MAN2B2: variants seen among roughly 807,000 people sequenced by gnomAD.
The protein encoded by MAN2B2 is epididymis-specific alpha-mannosidase.
Under a neutral mutation model 117.1 loss-of-function variants are expected in MAN2B2, and 106 were observed. The ratio of observed to expected loss-of-function variants is 0.90; its 90% CI spans 0.77 to 1.06. The LOEUF (loss-of-function observed/expected upper bound fraction) is 1.06, where lower values mean the gene tolerates loss of function less well. MAN2B2 is among the 50% of genes least tolerant of loss of function. The pLI, the probability that MAN2B2 is intolerant of heterozygous loss-of-function variation, is 0.00. For missense variants in MAN2B2, 1,326 were observed against 1,381.4 expected (o/e 0.96, Z 0.64); for synonymous variants, 544 against 595.1 (o/e 0.91, Z 1.25).
In MAN2B2 at chr4:6,621,619, G is replaced by T; in HGVS notation, c.*334G>T. On this transcript the variant is annotated 3_prime_UTR_variant, in exon 19 of 19. Coordinates refer to ENST00000285599, the MANE Select transcript of MAN2B2 (RefSeq NM_015274.3). ...CCTAAGGCAGAGCACAAGACTCACA[G>T]CAGCACCGAAGCGCATCTGCCGTCC... 4.9e-6 allele frequency: 1 copy of T among 202,964 alleles called. No homozygotes were observed. The highest frequency in any genetic ancestry group is 9.9e-6 in the Non-Finnish European group (1 of 100,618). 12.6% of individuals were successfully genotyped at this position (202,964 alleles called of 1,614,324 possible). A position where few individuals can be genotyped will look rare whatever the true frequency, so the allele number is the denominator to read the frequency against.
chr4:6,584,563 G>A (rs910038806), intron 3 of MAN2B2, among the ~76,000 whole-genome samples: 2 of 152,238 alleles, frequency 1.3e-5, no homozygotes, highest in African/African-American at 2.4e-5. Flanking sequence ...AGGTGCTCCT[G>A]AAAGCAAGAC....
Position 6,579,367 on chromosome 4 carries a change from TCAC to T in MAN2B2, c.391+882_391+884del, listed in dbSNP as rs1232409024. On this transcript the variant is annotated intron_variant, in intron 3 of 18. Coordinates refer to ENST00000285599, the MANE Select transcript of MAN2B2 (RefSeq NM_015274.3). ...ATCACCATCACCACCACCATCACCA[TCAC>T]CACCACCACCACTACCCTTCACCAT... Among the ~76,000 whole-genome samples, 151 of 36,496 alleles carry T rather than the reference TCAC, an allele frequency of 4.1e-3. 2 individuals are homozygous for T. Among genetic ancestry groups the T allele is most frequent in the African/African-American group, 0.013 (132 of 10,166 alleles). The allele number at this position is 36,496 out of a possible 152,430, so 23.9% of individuals were successfully genotyped here. A position where few individuals can be genotyped will look rare whatever the true frequency, so the allele number is the denominator to read the frequency against.
intron 12 of MAN2B2, 68 bp from the exon 13 acceptor site, chr4:6,609,730 G>C (rs1727691242): frequency 2.6e-6 from 3 of 1,170,892 alleles, no homozygotes; most frequent in Non-Finnish European, 3.6e-6. Context: ...CATGAAGGAA[G>C]GGAAGCAAAA....
chr4:6,595,977 T>A (rs963014310), intron 7 of MAN2B2, among the ~76,000 whole-genome samples: 1 of 151,960 alleles, frequency 6.6e-6, no homozygotes, highest in Non-Finnish European at 1.5e-5. Flanking sequence ...TGGATGTGGG[T>A]GTGGTTATAG....
rs932081154 is a variant in MAN2B2 at position 6,593,744 on chromosome 4, C to T, written c.858+394C>T. 6.6e-5 allele frequency among the ~76,000 whole-genome samples: 10 copies of T among 152,248 alleles called. 1 individual carries two copies. The highest frequency in any genetic ancestry group is 1.2e-4 in the Non-Finnish European group (8 of 68,048). ...CCCGGGAAGCCAGTGCCCGGCACGT[C>T]GTGGCCATCGTCACAGCTAACCTTT... On this transcript the variant is annotated intron_variant, in intron 6 of 18. Coordinates refer to ENST00000285599, the MANE Select transcript of MAN2B2 (RefSeq NM_015274.3).
chr4:6,579,289 T>C (rs199577229), intron 3 of MAN2B2, among the ~76,000 whole-genome samples: 288 of 14,766 alleles, frequency 0.02, no homozygotes, highest in Non-Finnish European at 0.021. Context: ...ACCATCACCA[T>C]CACCACCACC....
At chr4:6,594,871 A>C (rs945141449) in intron 7 of MAN2B2, 139 bp downstream of exon 7, 1 of 857,294 alleles carries the variant, frequency 1.2e-6, no homozygotes, top group Middle Eastern at 3.5e-4. Flanking sequence ...TGTGGGGCGC[A>C]GGGGCAGAGA....
At chr4:6,599,779 C>T (rs1727253688) in intron 9 of MAN2B2, among the ~76,000 whole-genome samples, 1 of 152,228 alleles carries the variant, frequency 6.6e-6, no homozygotes, top group Non-Finnish European at 1.5e-5. Context: ...ATCTAACATG[C>T]CCTTCCCCTC....
At chr4:6,620,500 C>T (rs1370695071) in intron 18 of MAN2B2, 1 of 183,826 alleles carries the variant, frequency 5.4e-6, no homozygotes, top group Non-Finnish European at 1.2e-5. Flanking sequence ...TCACTCTGGC[C>T]AGCACCTGCT....
intron 11 of MAN2B2, among the ~76,000 whole-genome samples, chr4:6,607,618 T>C (rs1317579254): frequency 6.6e-6 from 1 of 152,266 alleles, no homozygotes; most frequent in Non-Finnish European, 1.5e-5. Context: ...ATATTTTGTT[T>C]ATCCATTCTT....
rs768217035 is a variant in MAN2B2, at chr4:6,576,665, G to C, written c.226G>C (p.Glu76Gln). 1.2e-6 allele frequency: 2 copies of C among 1,614,012 alleles called. No individual in the cohort carries two copies. The highest frequency in any genetic ancestry group is 1.7e-6 in the Non-Finnish European group (2 of 1,180,016). Residue 76 changes from glutamate (E) to glutamine (Q), a missense_variant, in exon 2 of 19, where the codon GAG (glutamate) becomes CAG (glutamine). Physicochemically the swap from Glu to Gln is conservative, Grantham distance 29. Coordinates refer to ENST00000285599, the MANE Select transcript of MAN2B2 (RefSeq NM_015274.3). ...CCAGCAGCGCCGGTTCATCGCTGTGGAGCAGGAGTTTTTCCGGCTGTGGTG... is the reference window on the plus strand; with the variant it reads ...CCAGCAGCGCCGGTTCATCGCTGTGCAGCAGGAGTTTTTCCGGCTGTGGTG... ...RGQQRRFIAV[E>Q]QEFFRLWWDG...
intron 9 of MAN2B2, 90 bp from the exon 10 acceptor site, chr4:6,600,533 A>G: frequency 6.7e-7 from 1 of 1,482,088 alleles, no homozygotes; most frequent in Admixed American, 1.8e-5. Context: ...CACCTACCTC[A>G]GTTTCCCTCA....
chr4:6,600,443 A>G lies in MAN2B2; in HGVS notation c.1406-180A>G, dbSNP rs555710098. The stretch of plus-strand genomic sequence containing the variant: ...CCCTGGAAGCCAGACTGCAGAATGT[A>G]GCCCACGCTGTGTCTGTGGGAAACA... On this transcript the variant is annotated intron_variant, in intron 9 of 18. Transcript: ENST00000285599. Among the ~76,000 whole-genome samples the G allele has an allele frequency of 3.3e-5, 5 of 152,346 alleles. No individual in the cohort carries two copies. The South Asian group carries it at 1.0e-3, about 32-fold the overall frequency.
chr4:6,620,994 G>A, intron 18 of MAN2B2, 194 bp from the exon 19 acceptor site: 1 of 551,356 alleles, frequency 1.8e-6, no homozygotes, highest in South Asian at 2.4e-5. Flanking sequence ...GCCACGGTGG[G>A]AGCCACAGCA....
intron 7 of MAN2B2, among the ~76,000 whole-genome samples, chr4:6,595,514 A>G (rs1352935914): frequency 1.3e-5 from 2 of 152,168 alleles, no homozygotes. Context: ...GTGTCTAGAG[A>G]GGGCCTTCTT....
intron 3 of MAN2B2, among the ~76,000 whole-genome samples, chr4:6,579,283 TCACCATCACCAC>T (rs1560634967): frequency 2.1e-4 from 2 of 9,522 alleles, no homozygotes; most frequent in Admixed American, 1.3e-3. Context: ...ACCACCACCA[TCACCATCACCAC>T]CACCATCACC....
At chr4:6,584,234 A>C (rs2108861177) in intron 3 of MAN2B2, among the ~76,000 whole-genome samples, 1 of 152,346 alleles carries the variant, frequency 6.6e-6, no homozygotes, top group South Asian at 2.1e-4. Context: ...CTTGAGTCTT[A>C]AGAACATTTA....
intron 15 of MAN2B2, among the ~76,000 whole-genome samples, chr4:6,611,999 G>T (rs1711592784): frequency 6.6e-6 from 1 of 152,190 alleles, no homozygotes; most frequent in Non-Finnish European, 1.5e-5. Context: ...TTTAAAGATG[G>T]TCTTTTGGAG....
chr4:6,602,053 C>A (rs965988571), intron 10 of MAN2B2, among the ~76,000 whole-genome samples: 1 of 152,234 alleles, frequency 6.6e-6, no homozygotes, highest in Non-Finnish European at 1.5e-5. Context: ...GTCATCCCCT[C>A]ATGCACTCGG....
Sources: allele counts gnomAD v4.1 joint callset (sites outside exome capture counted in the v4.1 genomes callset), GRCh38; gene constraint gnomAD v4.1.1; transcripts MANE v1.5; gene names NCBI Gene and HGNC (gene_info 2026-07-23, HGNC 2026-07-21).